Variants in PCDH15 observed in about 807,000 individuals in gnomAD.
PCDH15 encodes protocadherin-15.
In PCDH15, 129 loss-of-function variants were observed where a neutral mutation model predicts 178.5. The observed-to-expected ratio is 0.72, with a 90% CI of 0.63 to 0.84. The LOEUF is 0.84. Among genes scored for constraint, PCDH15 ranks in the 40% least tolerant of loss-of-function variants. The pLI, the probability that PCDH15 is intolerant of heterozygous loss-of-function variation, is 0.00. For missense variants in PCDH15, 2,230 were observed against 2,099.9 expected (o/e 1.06, Z -1.21); for synonymous variants, 800 against 732.0 (o/e 1.09, Z -1.50).
At chr10:55,551,097 A>ACACCACC (rs1841994532) in intron 2 of PCDH15, among the ~76,000 whole-genome samples, 1 of 152,106 alleles carries the variant, frequency 6.6e-6, no homozygotes, top group African/African-American at 2.4e-5. Flanking sequence ...ACACCACAGT[A>ACACCACC]CACCACCCAC....
intron 3 of PCDH15, among the ~76,000 whole-genome samples, chr10:54,812,273 CTTTTT>C (rs529215060): frequency 7.4e-6 from 1 of 134,790 alleles, no homozygotes; most frequent in Admixed American, 7.6e-5. Flanking sequence ...CTTCCTCTTC[CTTTTT>C]TTTTTTTTTT....
intron 1 of PCDH15, among the ~76,000 whole-genome samples, chr10:54,755,516 G>C (rs1946949853): frequency 6.6e-6 from 1 of 151,962 alleles, no homozygotes; most frequent in South Asian, 2.1e-4. Flanking sequence ...TATATTAATT[G>C]GAGAATAAAT....
chr10:55,068,454 A>G (rs905087097), intron 2 of PCDH15, among the ~76,000 whole-genome samples: 5 of 152,090 alleles, frequency 3.3e-5, no homozygotes, highest in African/African-American at 1.2e-4. Context: ...TCATTTATGC[A>G]TACATTTTTA....
intron 1 of PCDH15, among the ~76,000 whole-genome samples, chr10:54,763,113 C>T (rs1948091325): frequency 6.6e-6 from 1 of 152,048 alleles, no homozygotes; most frequent in African/African-American, 2.4e-5. Context: ...TAGGGAGGCT[C>T]ATTTTGAGGA....
chr10:55,174,771 C>T lies in PCDH15; in HGVS notation c.-155-8120G>A, dbSNP rs569525850. ...TCTTAACTTGTCCCATCCTAGAAAT[C>T]CTCATTTTAAGTGGGTCCCAGCCTC... On this transcript the variant is annotated intron_variant, in intron 1 of 5. Transcript: ENST00000458638. 1.7e-3 allele frequency among the ~76,000 whole-genome samples: 255 copies of T among 152,254 alleles called. 6 individuals carry two copies. The highest frequency in any genetic ancestry group is 0.015 in the Admixed American group (232 of 15,300).
At chr10:54,442,110 C>A (rs576136470) in intron 3 of PCDH15, among the ~76,000 whole-genome samples, 2 of 151,286 alleles carry the variant, frequency 1.3e-5, no homozygotes, top group African/African-American at 4.8e-5. Flanking sequence ...TATTTTCCTG[C>A]ATGTCTGCTT....
At chr10:54,287,748 G>A (rs1433461663) in intron 8 of PCDH15, among the ~76,000 whole-genome samples, 1 of 151,976 alleles carries the variant, frequency 6.6e-6, no homozygotes, top group East Asian at 1.9e-4. Context: ...TCTGTCATTA[G>A]TTTCATTAAC....
At chr10:55,020,318 A>G (rs1840291143) in intron 2 of PCDH15, among the ~76,000 whole-genome samples, 1 of 151,800 alleles carries the variant, frequency 6.6e-6, no homozygotes, top group Non-Finnish European at 1.5e-5. Context: ...ATGTAATAGT[A>G]ATTAATTGAA....
intron 21 of PCDH15, among the ~76,000 whole-genome samples, chr10:53,986,617 T>A (rs2091120574): frequency 6.6e-6 from 1 of 152,186 alleles, no homozygotes; most frequent in African/African-American, 2.4e-5. Context: ...AAATGTGGTA[T>A]ATGCATACAA....
chr10:54,861,048 C>T (rs925244612), intron 3 of PCDH15, among the ~76,000 whole-genome samples: 2 of 152,062 alleles, frequency 1.3e-5, no homozygotes, highest in Non-Finnish European at 2.9e-5. Flanking sequence ...TCATTGAGAA[C>T]TCTGTTTCTC....
intron 1 of PCDH15, among the ~76,000 whole-genome samples, chr10:54,677,155 T>G (rs2135579969): frequency 6.6e-6 from 1 of 152,174 alleles, no homozygotes; most frequent in South Asian, 2.1e-4. Context: ...AAGAATGGAT[T>G]GAGGTCAGGA....
intron 2 of PCDH15, chr10:55,597,181 T>C (rs1229964823): frequency 6.6e-6 from 1 of 152,220 alleles, no homozygotes; most frequent in Admixed American, 6.5e-5. Flanking sequence ...TGAGTCAACA[T>C]ACCCAACCAT....
At chr10:54,560,127 T>C (rs543380299) in intron 2 of PCDH15, among the ~76,000 whole-genome samples, 1 of 152,202 alleles carries the variant, frequency 6.6e-6, no homozygotes, top group South Asian at 2.1e-4. Flanking sequence ...GAACCTGTTG[T>C]AGAAATGACC....
rs536036429 is a variant in PCDH15, at chr10:53,919,796, A to G, written c.3374-16426T>C. On this transcript the variant is annotated intron_variant, in intron 25 of 37. Coordinates refer to ENST00000644397, the MANE Select transcript of PCDH15 (RefSeq NM_001384140.1). The stretch of plus-strand genomic sequence containing the variant: ...AAAAATAATTTATTTGTATTTAGGT[A>G]TTAGGTATTTAGGTATATACTTCTA... 1.3e-4 allele frequency among the ~76,000 whole-genome samples: 20 copies of G among 152,228 alleles called. No homozygotes were observed. The East Asian group carries it at 3.3e-3, about 25-fold the overall frequency.
At chr10:55,346,086 C>A (rs904547359) in intron 2 of PCDH15, among the ~76,000 whole-genome samples, 1 of 152,002 alleles carries the variant, frequency 6.6e-6, no homozygotes, top group Non-Finnish European at 1.5e-5. Context: ...TAACAAATAA[C>A]CTGCTATTTT....
At chr10:55,307,694 T>C (rs1189312261) in intron 1 of PCDH15, among the ~76,000 whole-genome samples, 1 of 151,912 alleles carries the variant, frequency 6.6e-6, no homozygotes, top group Non-Finnish European at 1.5e-5. Context: ...CTCCTACCCA[T>C]CTTCTGTTAG....
chr10:53,928,258 CT>C (rs1161738891), intron 25 of PCDH15, among the ~76,000 whole-genome samples: 1 of 150,942 alleles, frequency 6.6e-6, no homozygotes, highest in African/African-American at 2.4e-5. Context: ...TAATGAGAAG[CT>C]TTTTTTTTCT....
In PCDH15 at chr10:54,207,981, C is replaced by T. The variant is rs138854032; in HGVS notation, c.1098+5955G>A. ...AGTTTTCTCCCAAATTCTTCTTGGC[C>T]CTCCATTTTTAAGCCAGTTGATAAC... is the stretch of plus-strand genomic sequence containing the variant. On this transcript the variant is annotated intron_variant, in intron 10 of 37. Coordinates refer to ENST00000644397, the MANE Select transcript of PCDH15 (RefSeq NM_001384140.1). Among the ~76,000 whole-genome samples, 946 of 151,926 alleles carry T rather than the reference C, an allele frequency of 6.2e-3. 9 individuals carry two copies. Among genetic ancestry groups the T allele is most frequent in the African/African-American group, 0.019 (778 of 41,458 alleles).
chr10:55,034,906 C>T (rs1325097546), intron 2 of PCDH15, among the ~76,000 whole-genome samples: 1 of 151,862 alleles, frequency 6.6e-6, no homozygotes, highest in Non-Finnish European at 1.5e-5. Context: ...CCAAATTAAG[C>T]TCAAAATAAT....
Sources: gnomAD v4.1 joint callset for allele counts (sites outside exome capture counted in the v4.1 genomes callset) on GRCh38, gnomAD v4.1.1 for gene constraint, MANE v1.5 for transcripts, NCBI Gene and HGNC (gene_info 2026-07-23, HGNC 2026-07-21) for gene names.